AEN: variants seen among roughly 807,000 people sequenced by gnomAD.
AEN encodes the protein apoptosis enhancing nuclease.
AEN carries 21 observed loss-of-function variants against 17.7 expected under a neutral mutation model. That is an observed-to-expected ratio of 1.19 (90% CI 0.84 to 1.71). The LOEUF is 1.71. Among genes scored for constraint, AEN ranks in the 40% most tolerant of loss-of-function variants. The pLI, the probability that AEN is intolerant of heterozygous loss-of-function variation, is 0.00. For missense variants in AEN, 462 were observed against 435.9 expected, an observed-to-expected ratio of 1.06 and a Z score of -0.53; for synonymous variants, 190 against 173.0, an observed-to-expected ratio of 1.10 and a Z score of -0.77.
At chr15:88,618,161 C>G (rs2141362965), upstream of AEN, among the ~76,000 whole-genome samples, 1 of 152,292 alleles carries the variant, frequency 6.6e-6, no homozygotes, top group Non-Finnish European at 1.5e-5. Context: ...CCACCCTCAC[C>G]CCACCCCAAA....
chr15:88,626,521 GC>G lies in AEN; in HGVS notation c.315del (p.Leu106CysfsTer21). ...RRPAPGKASGPLPSKCVAIDC... is the reference protein window; with the variant it reads ...RRPAPGKASGXLPSKCVAIDC... ...GGCCTGCTCCCGGGAAAGCCTCAGG[GC>G]CCTTGCCCAGCAAGTGTGTGGCTAT... is the stretch of plus-strand genomic sequence containing the variant. On this transcript the variant is annotated frameshift_variant, in exon 2 of 4. Transcript: ENST00000332810. LOFTEE classifies it high-confidence loss of function. 2 of 1,614,168 alleles carry G rather than the reference GC, an allele frequency of 1.2e-6. No individual in the cohort carries two copies. Among genetic ancestry groups the G allele is most frequent in the Non-Finnish European group, 1.7e-6 (2 of 1,180,044 alleles).
intron 1 of AEN, among the ~76,000 whole-genome samples, chr15:88,623,423 A>C (rs1343987725): frequency 6.6e-6 from 1 of 152,044 alleles, no homozygotes; most frequent in African/African-American, 2.4e-5. Context: ...CATTTCTCTT[A>C]ATCTCTGCTG....
Position 88,631,011 on chromosome 15 carries a change from C to T in AEN, c.*717C>T, listed in dbSNP as rs760337273. 4.8e-6 allele frequency: 2 copies of T among 420,328 alleles called. No homozygotes were observed. Among genetic ancestry groups the T allele is most frequent in the East Asian group, 7.3e-5 (1 of 13,728 alleles). 26.0% of individuals were successfully genotyped at this position (420,328 alleles called of 1,614,324 possible). A position where few individuals can be genotyped will look rare whatever the true frequency, so the allele number is the denominator to read the frequency against. Reference sequence around the variant, plus strand: ...CTTAACATTTCTTGGCAACAGAAAGCCCCAGGCACAGCTCAGGGAGGAGGG... The same window carrying T: ...CTTAACATTTCTTGGCAACAGAAAGTCCCAGGCACAGCTCAGGGAGGAGGG... On this transcript the variant is annotated 3_prime_UTR_variant, in exon 4 of 4. Transcript: ENST00000332810.
At position 88,630,051 on chromosome 15, in the gene AEN, T is replaced by C. The variant is rs774674007; in HGVS notation, c.742-7T>C. ...GCAGGCAGTGATGTGTTGGCTCTCG[T>C]CAGTAGGTGGGCCAGCACGGGCACT... On this transcript the variant is annotated splice_polypyrimidine_tract_variant and splice_region_variant and intron_variant, in intron 3 of 3. Coordinates refer to ENST00000332810, the MANE Select transcript of AEN (RefSeq NM_022767.4). The surrounding 1 kb of genome is among the most constrained non-coding windows in gnomAD (Gnocchi z 5.1). 4 of 1,613,638 alleles carry C rather than the reference T, an allele frequency of 2.5e-6. No homozygotes were observed. Among genetic ancestry groups the C allele is most frequent in the Non-Finnish European group, 2.5e-6 (3 of 1,179,922 alleles).
chr15:88,618,238 C>A (rs1181324207), upstream of AEN, among the ~76,000 whole-genome samples: 2 of 82,566 alleles, frequency 2.4e-5, no homozygotes, highest in Non-Finnish European at 6.2e-5. Context: ...ACATAATATG[C>A]AACATTCTTT....
rs550406556 is a variant in AEN at position 88,624,998 on chromosome 15, T to C, written c.-64-1148T>C. ...CAAATGAGACAGGCTTTCCAAGTTA[T>C]GGCCTCAGCTGTTGGGAAGATGCTG... On this transcript the variant is annotated intron_variant, in intron 1 of 3. Coordinates refer to ENST00000332810, the MANE Select transcript of AEN (RefSeq NM_022767.4). 3.9e-5 allele frequency among the ~76,000 whole-genome samples: 6 copies of C among 152,354 alleles called. No individual in the cohort carries two copies. The South Asian group carries it at 1.0e-3, about 26-fold the overall frequency.
chr15:88,614,215 A>G, the AEN span, among the ~76,000 whole-genome samples: 118 of 152,166 alleles, frequency 7.8e-4, no homozygotes, highest in African/African-American at 2.7e-3. Context: ...TTATTTATTT[A>G]TTGAAATGGG....
At chr15:88,628,621 G>T (rs946691717) in intron 2 of AEN, 2 of 152,140 alleles carry the variant, frequency 1.3e-5, no homozygotes, top group African/African-American at 4.8e-5. Context: ...CTGCTATGGT[G>T]TGTCTACCAG....
At position 88,631,842 on chromosome 15, in the gene AEN, C is replaced by G. The variant is rs1296057798; in HGVS notation, c.*1548C>G. The G allele has an allele frequency of 6.6e-6, 1 of 152,436 alleles. No homozygotes were observed. The highest frequency in any genetic ancestry group is 2.4e-5 in the African/African-American group (1 of 41,460). The allele number at this position is 152,436 out of a possible 1,614,324, so 9.4% of individuals were successfully genotyped here. ...GCAAGGTTCACGGATATCCGTGTGT[C>G]TTGTCTGTGGCCACCAGGCACAGGT... is the stretch of plus-strand genomic sequence containing the variant. On this transcript the variant is annotated 3_prime_UTR_variant, in exon 4 of 4. Coordinates refer to ENST00000332810, the MANE Select transcript of AEN (RefSeq NM_022767.4).
chr15:88,618,288 A>G (rs2057755339), upstream of AEN, among the ~76,000 whole-genome samples: 1 of 152,218 alleles, frequency 6.6e-6, no homozygotes, highest in African/African-American at 2.4e-5. Context: ...TTATCCAAGC[A>G]TAATATATTT....
chr15:88,612,794 G>C, the AEN span, among the ~76,000 whole-genome samples: 14 of 151,812 alleles, frequency 9.2e-5, no homozygotes. Context: ...AGAGAGAGGG[G>C]TTTGCTATGT....
chr15:88,631,462 TTTGC>T lies in AEN; in HGVS notation c.*1173_*1176del, dbSNP rs1473678672. On this transcript the variant is annotated 3_prime_UTR_variant, in exon 4 of 4. Transcript: ENST00000332810. Reference sequence around the variant, plus strand: ...GTCACACAGACCTTGGAGCCCCATCTTTGCTTGCAGCTTAGCTTTGAGATACTAA... The same window carrying T: ...GTCACACAGACCTTGGAGCCCCATCTTTGCAGCTTAGCTTTGAGATACTAA... 8.8e-6 allele frequency: 2 copies of T among 228,062 alleles called. No homozygotes were observed. The highest frequency in any genetic ancestry group is 4.5e-5 in the African/African-American group (2 of 44,712). 14.1% of individuals were successfully genotyped at this position (228,062 alleles called of 1,614,324 possible).
intron 1 of AEN, among the ~76,000 whole-genome samples, chr15:88,622,291 G>A (rs1321247244): frequency 6.6e-6 from 1 of 152,218 alleles, no homozygotes; most frequent in Non-Finnish European, 1.5e-5. Context: ...TGAAAGGGTT[G>A]TTTTATCTGA....
chr15:88,606,810 T>A, the AEN span, among the ~76,000 whole-genome samples: 1 of 152,228 alleles, frequency 6.6e-6, no homozygotes, highest in African/African-American at 2.4e-5. Context: ...CAGAGCAACT[T>A]ACCTTTCCAC....
the AEN span, among the ~76,000 whole-genome samples, chr15:88,612,332 G>A: frequency 3.4e-4 from 52 of 152,106 alleles, no homozygotes; most frequent in African/African-American, 1.0e-3. Context: ...CGAGGTTCCC[G>A]GATGTTCAGT....
intron 1 of AEN, among the ~76,000 whole-genome samples, chr15:88,625,240 C>G (rs77424746): frequency 0.027 from 4,127 of 152,300 alleles, 109 homozygotes; most frequent in African/African-American, 0.068. Context: ...CACTTAAAGG[C>G]TGGACACGGT....
At chr15:88,605,175 T>C in the AEN span, 3 of 152,330 alleles carry the variant, frequency 2.0e-5, no homozygotes, top group African/African-American at 7.2e-5. The surrounding 1 kb of genome is among the most constrained non-coding windows in gnomAD (Gnocchi z 7.6). Context: ...TCCTACGGGA[T>C]GCTGGGCAGG....
In AEN at chr15:88,626,755, G is replaced by T. The variant is rs756601956; in HGVS notation, c.540+6G>T. ...TCCAGGTGGCCCAGAAAGAGGTAAGGGCAGGGATGGGGACTTGTTTGGGAG... is the reference window on the plus strand; with the variant it reads ...TCCAGGTGGCCCAGAAAGAGGTAAGTGCAGGGATGGGGACTTGTTTGGGAG... On this transcript the variant is annotated splice_donor_region_variant and intron_variant, in intron 2 of 3. Coordinates refer to ENST00000332810, the MANE Select transcript of AEN (RefSeq NM_022767.4). 1 of 1,602,894 alleles carries T rather than the reference G, an allele frequency of 6.2e-7. No individual in the cohort carries two copies. The highest frequency in any genetic ancestry group is 1.7e-5 in the Admixed American group (1 of 59,792).
intron 3 of AEN, 143 bp downstream of exon 3, chr15:88,629,569 G>A (rs1023953405): frequency 1.2e-5 from 11 of 950,306 alleles, no homozygotes; most frequent in Non-Finnish European, 1.5e-5. Flanking sequence ...TTGCTTAAAT[G>A]GGTCTCCCTC....
Sources: gnomAD v4.1 joint callset for allele counts (sites outside exome capture counted in the v4.1 genomes callset) on GRCh38, gnomAD v4.1.1 for gene constraint, Gnocchi (gnomAD v3.1) non-coding constraint, MANE v1.5 for transcripts, NCBI Gene and HGNC (gene_info 2026-07-23, HGNC 2026-07-21) for gene names.